Variants in SLIT3 observed in about 807,000 individuals in gnomAD.
SLIT3 encodes slit guidance ligand 3, also known as slit homolog 3 protein.
Under a neutral mutation model 184.0 loss-of-function variants are expected in SLIT3, and 68 were observed. That is an observed-to-expected ratio of 0.37 (90% CI 0.30 to 0.45). The LOEUF (loss-of-function observed/expected upper bound fraction) is 0.45, where lower values mean the gene tolerates loss of function less well. Among genes scored for constraint, SLIT3 ranks in the 20% least tolerant of loss-of-function variants. SLIT3 has a pLI of 1.00. For missense variants in SLIT3, 1,707 were observed against 2,026.0 expected (o/e 0.84, Z 3.02); for synonymous variants, 831 against 828.6 (o/e 1.00, Z -0.05).
intron 4 of SLIT3, among the ~76,000 whole-genome samples, chr5:169,144,699 A>C (rs544347174): frequency 6.6e-6 from 1 of 152,354 alleles, no homozygotes; most frequent in East Asian, 1.9e-4. Context: ...CACTGAGCTC[A>C]GTCCAGGCCT....
intron 28 of SLIT3, among the ~76,000 whole-genome samples, chr5:168,693,045 T>A (rs140743680): frequency 2.3e-4 from 35 of 152,354 alleles, no homozygotes; most frequent in Non-Finnish European, 4.6e-4. Context: ...CTTATTCATT[T>A]GTTTTTTCAT....
At chr5:168,718,608 T>A (rs577386579) in intron 23 of SLIT3, among the ~76,000 whole-genome samples, 233 of 151,678 alleles carry the variant, frequency 1.5e-3, no homozygotes, top group Non-Finnish European at 3.0e-3. Context: ...TTCCACACAA[T>A]GTTTTGTACT....
chr5:168,688,658 T>C (rs1236661594), intron 29 of SLIT3, among the ~76,000 whole-genome samples: 1 of 152,242 alleles, frequency 6.6e-6, no homozygotes, highest in Middle Eastern at 3.2e-3. Flanking sequence ...GTTTACTTGA[T>C]TGGCAAATTT....
At chr5:169,138,933 T>G (rs956019685) in intron 4 of SLIT3, among the ~76,000 whole-genome samples, 6 of 152,260 alleles carry the variant, frequency 3.9e-5, no homozygotes, top group Non-Finnish European at 5.9e-5. Flanking sequence ...TGCTCATGAC[T>G]GATGGCAGTG....
chr5:169,262,196 T>C (rs1269661112), intron 1 of SLIT3, among the ~76,000 whole-genome samples: 1 of 152,108 alleles, frequency 6.6e-6, no homozygotes, highest in Non-Finnish European at 1.5e-5. Context: ...GCTATCATTA[T>C]ATGACAATAA....
At chr5:168,791,218 C>G (rs1177644983) in intron 10 of SLIT3, 1 of 152,148 alleles carries the variant, frequency 6.6e-6, no homozygotes, top group African/African-American at 2.4e-5. Flanking sequence ...CTTTTTTTCC[C>G]CTGATTATGA....
intron 4 of SLIT3, among the ~76,000 whole-genome samples, chr5:168,939,769 C>T (rs1345831071): frequency 6.6e-6 from 1 of 152,184 alleles, no homozygotes; most frequent in Admixed American, 6.5e-5. Flanking sequence ...CATTTAAGAC[C>T]ACATTTTATG....
At chr5:168,932,391 CT>C (rs1334367603) in intron 4 of SLIT3, among the ~76,000 whole-genome samples, 5 of 130,816 alleles carry the variant, frequency 3.8e-5, no homozygotes, top group South Asian at 2.6e-4. Context: ...CACACACACA[CT>C]ACACACACCC....
At chr5:169,007,917 T>C (rs1330267833) in intron 4 of SLIT3, among the ~76,000 whole-genome samples, 1 of 152,238 alleles carries the variant, frequency 6.6e-6, no homozygotes, top group Admixed American at 6.5e-5. Flanking sequence ...TGTTGCCTTA[T>C]AGGACACCAA....
At chr5:168,672,926 T>C (rs1486768607) in intron 33 of SLIT3, among the ~76,000 whole-genome samples, 1 of 152,172 alleles carries the variant, frequency 6.6e-6, no homozygotes, top group African/African-American at 2.4e-5. Flanking sequence ...ATCTCCTGCC[T>C]CCCCCTTCTC....
At chr5:169,205,215 G>T in intron 3 of SLIT3, among the ~76,000 whole-genome samples, 1 of 152,160 alleles carries the variant, frequency 6.6e-6, no homozygotes, top group East Asian at 1.9e-4. Flanking sequence ...TGGCGCTGGG[G>T]CTTAGGAAGG....
intron 11 of SLIT3, among the ~76,000 whole-genome samples, chr5:168,789,210 A>G (rs1050271761): frequency 3.6e-5 from 5 of 137,540 alleles, no homozygotes; most frequent in Non-Finnish European, 7.6e-5. Context: ...ACGCATCACC[A>G]TCTCTCCTTA....
intron 4 of SLIT3, among the ~76,000 whole-genome samples, chr5:168,937,983 C>T (rs1762214779): frequency 6.6e-6 from 1 of 152,016 alleles, no homozygotes; most frequent in African/African-American, 2.4e-5. Flanking sequence ...GTATACAATG[C>T]AGTCATAAAT....
chr5:169,002,881 G>A (rs1399765846), intron 4 of SLIT3, among the ~76,000 whole-genome samples: 1 of 152,158 alleles, frequency 6.6e-6, no homozygotes, highest in Non-Finnish European at 1.5e-5. Context: ...TGCAATGTCT[G>A]TGAAATTACA....
intron 26 of SLIT3, 147 bp downstream of exon 26, chr5:168,707,829 G>A (rs1762420544): frequency 2.2e-6 from 2 of 912,562 alleles, no homozygotes. Flanking sequence ...GGCAAATGCT[G>A]CTTTGGAGTG....
At chr5:169,289,404 T>C (rs1485303345) in intron 1 of SLIT3, among the ~76,000 whole-genome samples, 1 of 152,274 alleles carries the variant, frequency 6.6e-6, no homozygotes, top group Admixed American at 6.5e-5. Flanking sequence ...AGATCATCAC[T>C]GCTGCGCTTT....
At chr5:168,833,150 C>T (rs1757933081) in intron 6 of SLIT3, among the ~76,000 whole-genome samples, 2 of 152,180 alleles carry the variant, frequency 1.3e-5, no homozygotes, top group African/African-American at 2.4e-5. Flanking sequence ...TTCCACCAGG[C>T]AGGTGAGCTC....
chr5:168,941,667 G>A (rs1762336443), intron 4 of SLIT3, among the ~76,000 whole-genome samples: 1 of 152,140 alleles, frequency 6.6e-6, no homozygotes, highest in African/African-American at 2.4e-5. Flanking sequence ...ATTAAACTCT[G>A]CACCTTAAAA....
At chr5:168,955,823 A>C (rs1762808254) in intron 4 of SLIT3, among the ~76,000 whole-genome samples, 2 of 152,194 alleles carry the variant, frequency 1.3e-5, no homozygotes, top group South Asian at 4.1e-4. Flanking sequence ...GAGTCTGTTT[A>C]AATTTTGCAT....
Sources: gnomAD v4.1 joint callset for allele counts (sites outside exome capture counted in the v4.1 genomes callset) on GRCh38, gnomAD v4.1.1 for gene constraint, MANE v1.5 for transcripts, NCBI Gene and HGNC (gene_info 2026-07-23, HGNC 2026-07-21) for gene names.